EHF: variants seen among roughly 807,000 people sequenced by gnomAD.
EHF encodes the protein ESE3 transcription factor.
Under a neutral mutation model 45.1 loss-of-function variants are expected in EHF, and 14 were observed. That is an observed-to-expected ratio of 0.31 (90% CI 0.21 to 0.49). The LOEUF is 0.49. Among genes scored for constraint, EHF ranks in the 20% least tolerant of loss-of-function variants. EHF has a pLI of 0.99. For synonymous variants in EHF, 136 were observed against 131.8 expected, an observed-to-expected ratio of 1.03 and a Z score of -0.22; for missense variants, 282 against 371.4, an observed-to-expected ratio of 0.76 and a Z score of 1.98.
chr11:34,625,783 G>T (rs2133973850), intron 1 of EHF, among the ~76,000 whole-genome samples: 1 of 152,314 alleles, frequency 6.6e-6, no homozygotes, highest in South Asian at 2.1e-4. Context: ...CGGGCCCCTT[G>T]TTCTGGTCAA....
At chr11:34,624,796 T>C (rs1245983959) in intron 1 of EHF, among the ~76,000 whole-genome samples, 1 of 152,130 alleles carries the variant, frequency 6.6e-6, no homozygotes, top group African/African-American at 2.4e-5. Context: ...CTTGAAGAAT[T>C]TTGAACTCCA....
intron 1 of EHF, among the ~76,000 whole-genome samples, chr11:34,635,623 A>G (rs956267140): frequency 6.6e-6 from 1 of 151,682 alleles, no homozygotes; most frequent in Non-Finnish European, 1.5e-5. Flanking sequence ...TCTCTGTGCT[A>G]AGGGACTCAG....
chr11:34,634,190 A>C (rs1320023631), intron 1 of EHF, among the ~76,000 whole-genome samples: 1 of 151,704 alleles, frequency 6.6e-6, no homozygotes, highest in Non-Finnish European at 1.5e-5. Flanking sequence ...ATGTACATGG[A>C]TTTTTTTTTC....
At position 34,656,894 on chromosome 11, in the gene EHF, A is replaced by G; in HGVS notation, c.545-14A>G. On this transcript the variant is annotated splice_polypyrimidine_tract_variant and intron_variant, in intron 6 of 8. Coordinates refer to ENST00000257831, the MANE Select transcript of EHF (RefSeq NM_012153.6). ...GAAATAGGTCAATTAAACGCCTCTC[A>G]TTTTTCTCCTTAGCAGAGTCACCTG... 6.2e-7 allele frequency: 1 copy of G among 1,612,744 alleles called. No individual in the cohort carries two copies. Among genetic ancestry groups the G allele is most frequent in the Non-Finnish European group, 8.5e-7 (1 of 1,179,332 alleles).
At chr11:34,631,118 A>T (rs1241481731) in intron 1 of EHF, among the ~76,000 whole-genome samples, 1 of 152,036 alleles carries the variant, frequency 6.6e-6, no homozygotes, top group Non-Finnish European at 1.5e-5. Context: ...TGCAACCTCC[A>T]CCTCCTGGGT....
chr11:34,647,456 C>A (rs574706804), intron 3 of EHF, among the ~76,000 whole-genome samples: 148 of 152,316 alleles, frequency 9.7e-4, no homozygotes, highest in Non-Finnish European at 1.9e-3. Flanking sequence ...GTAGGGTGGA[C>A]AACTGACCTT....
intron 1 of EHF, among the ~76,000 whole-genome samples, chr11:34,635,078 C>T (rs538811426): frequency 6.6e-6 from 1 of 152,320 alleles, no homozygotes; most frequent in South Asian, 2.1e-4. Context: ...TTGAGATAAT[C>T]TGTTTAAACC....
chr11:34,635,979 A>G lies in EHF; in HGVS notation c.-3-6649A>G, dbSNP rs182480076. Among the ~76,000 whole-genome samples, 40 of 152,228 alleles carry G rather than the reference A, an allele frequency of 2.6e-4. No individual in the cohort carries two copies. In the East Asian group the frequency reaches 7.5e-3, roughly 29 times the overall value. ...GTACGTCTACACAGCAGCTCTCGGAATAGGGAGTGGGGAGGCATGAGATCT... is the reference window on the plus strand; with the variant it reads ...GTACGTCTACACAGCAGCTCTCGGAGTAGGGAGTGGGGAGGCATGAGATCT... On this transcript the variant is annotated intron_variant, in intron 1 of 8. Coordinates refer to ENST00000257831, the MANE Select transcript of EHF (RefSeq NM_012153.6).
At chr11:34,636,960 T>C (rs1590448773) in intron 1 of EHF, among the ~76,000 whole-genome samples, 2 of 132,136 alleles carry the variant, frequency 1.5e-5, no homozygotes, top group Admixed American at 9.0e-5. Context: ...ACCTGGGAGG[T>C]GGAGGTTGTG....
rs1182953586 is a variant in EHF, at chr11:34,661,666, A to G, written c.*2735A>G. 6.6e-6 allele frequency among the ~76,000 whole-genome samples: 1 copy of G among 152,120 alleles called. No individual in the cohort carries two copies. Among genetic ancestry groups the G allele is most frequent in the Non-Finnish European group, 1.5e-5 (1 of 68,012 alleles). On this transcript the variant is annotated 3_prime_UTR_variant, in exon 9 of 9. Transcript: ENST00000257831. The stretch of plus-strand genomic sequence containing the variant: ...AACTTAAAGTAATCGAGCTATGCCA[A>G]CTTGGGGTGGTAACAGAGTACTTCC...
chr11:34,631,242 C>T (rs1227373975), intron 1 of EHF, among the ~76,000 whole-genome samples: 1 of 152,058 alleles, frequency 6.6e-6, no homozygotes, highest in East Asian at 1.9e-4. Context: ...ATATTAACTA[C>T]ATTGGTCTTG....
intron 6 of EHF, among the ~76,000 whole-genome samples, chr11:34,656,323 C>CA (rs1441093272): frequency 1.3e-5 from 2 of 150,936 alleles, no homozygotes; most frequent in African/African-American, 2.4e-5. Flanking sequence ...CTTTGCATGC[C>CA]AAAAAAGGGC....
intron 1 of EHF, among the ~76,000 whole-genome samples, chr11:34,634,906 A>G (rs1853243861): frequency 6.6e-6 from 1 of 152,302 alleles, no homozygotes; most frequent in East Asian, 1.9e-4. Context: ...AGAGTGGCCC[A>G]GTTCCCAGGT....
At chr11:34,638,619 G>C (rs867443383) in intron 1 of EHF, among the ~76,000 whole-genome samples, 2 of 152,114 alleles carry the variant, frequency 1.3e-5, no homozygotes, top group Admixed American at 6.6e-5. Flanking sequence ...AGGGGGTGCT[G>C]CTGGCATCTA....
chr11:34,642,971 G>A (rs1049616378), intron 2 of EHF, among the ~76,000 whole-genome samples: 2 of 152,174 alleles, frequency 1.3e-5, no homozygotes, highest in African/African-American at 2.4e-5. Context: ...GCCTGGCAGT[G>A]AAGGGGGGTA....
intron 2 of EHF, among the ~76,000 whole-genome samples, chr11:34,646,012 T>C (rs921876219): frequency 6.8e-6 from 1 of 146,832 alleles, no homozygotes; most frequent in Non-Finnish European, 1.5e-5. Flanking sequence ...TAGTTGAAAA[T>C]GGTCTGAGTT....
At chr11:34,641,227 C>A (rs1304109686) in intron 1 of EHF, among the ~76,000 whole-genome samples, 3 of 152,114 alleles carry the variant, frequency 2.0e-5, no homozygotes, top group East Asian at 3.9e-4. Context: ...ATTTACCAAG[C>A]AACAGTGATG....
rs894201507 is a variant in EHF, at chr11:34,660,111, C to T, written c.*1180C>T. ...GCAAAAGCAAGACTTCAACCTCAAC[C>T]TATCTTTATGTTTTAAATGTTAGGG... On this transcript the variant is annotated 3_prime_UTR_variant, in exon 9 of 9. Transcript: ENST00000257831. 6.6e-6 allele frequency: 1 copy of T among 152,098 alleles called. No homozygotes were observed. The highest frequency in any genetic ancestry group is 1.5e-5 in the Non-Finnish European group (1 of 68,012). 9.4% of individuals were successfully genotyped at this position (152,098 alleles called of 1,614,324 possible).
chr11:34,626,107 T>C (rs1450998509), intron 1 of EHF, among the ~76,000 whole-genome samples: 1 of 152,256 alleles, frequency 6.6e-6, no homozygotes, highest in Non-Finnish European at 1.5e-5. Flanking sequence ...CTTGTCTCAA[T>C]GTCCTTTTTC....
Sources: allele counts gnomAD v4.1 joint callset (sites outside exome capture counted in the v4.1 genomes callset), GRCh38; gene constraint gnomAD v4.1.1; transcripts MANE v1.5; gene names NCBI Gene and HGNC (gene_info 2026-07-23, HGNC 2026-07-21).